CCT7: variants seen among roughly 807,000 people sequenced by gnomAD.
The protein encoded by CCT7 is chaperonin containing TCP1 subunit 7.
A neutral mutation model predicts 56.6 loss-of-function variants in CCT7; 16 were observed. That is an observed-to-expected ratio of 0.28 (90% CI 0.19 to 0.43). CCT7 has a LOEUF of 0.43. CCT7 is among the 20% of genes least tolerant of loss of function. The pLI, the probability that CCT7 is intolerant of heterozygous loss-of-function variation, is 1.00. For synonymous variants in CCT7, 262 were observed against 254.8 expected (o/e 1.03, Z -0.27); for missense variants, 519 against 685.6 (o/e 0.76, Z 2.71).
At chr2:73,245,797 A>G (rs142492322) in intron 6 of CCT7, among the ~76,000 whole-genome samples, 1 of 152,160 alleles carries the variant, frequency 6.6e-6, no homozygotes, top group Admixed American at 6.6e-5. Flanking sequence ...CACATGTCAG[A>G]CCAGTGGGCT....
intron 10 of CCT7, among the ~76,000 whole-genome samples, 160 bp from the exon 11 acceptor site, chr2:73,251,066 G>T (rs1038715219): frequency 1.3e-5 from 2 of 152,174 alleles, no homozygotes; most frequent in African/African-American, 2.4e-5. Context: ...GTTGAAGTTG[G>T]GATGTTCTAG....
intron 3 of CCT7, among the ~76,000 whole-genome samples, chr2:73,241,121 A>G (rs4241254): frequency 0.99 from 149,485 of 151,164 alleles, 73,918 homozygotes; most frequent in East Asian, 1. Flanking sequence ...CATGGCATTA[A>G]CCAGTCTATC....
At chr2:73,243,369 T>C (rs2303907) in intron 4 of CCT7, among the ~76,000 whole-genome samples, 84,855 of 151,904 alleles carry the variant, frequency 0.56, 25,656 homozygotes, top group African/African-American at 0.82. Context: ...GACATAGTCT[T>C]TTAGTAAGGA....
At chr2:73,244,828 AG>A in intron 6 of CCT7, 113 bp downstream of exon 6, 2 of 759,482 alleles carry the variant, frequency 2.6e-6, no homozygotes, top group Non-Finnish European at 4.0e-6. Flanking sequence ...CATGTTAGGC[AG>A]GAAGTCAGAC....
chr2:73,239,276 C>T (rs536053725), intron 1 of CCT7: 2 of 170,418 alleles, frequency 1.2e-5, no homozygotes, highest in South Asian at 3.2e-4. Context: ...GAACACTTAG[C>T]AGGGTCTGCC....
At chr2:73,243,721 T>C in intron 4 of CCT7, 2 of 403,522 alleles carry the variant, frequency 5.0e-6, no homozygotes, top group East Asian at 7.9e-5. Flanking sequence ...ACTCATTCGT[T>C]GTAGCGTGTT....
At chr2:73,251,165 C>T (rs1431453063) in intron 10 of CCT7, 61 bp from the exon 11 acceptor site, 1 of 1,492,366 alleles carries the variant, frequency 6.7e-7, no homozygotes, top group Middle Eastern at 1.7e-4. Context: ...TACTGAGTGG[C>T]CCAGCATGGA....
intron 1 of CCT7, among the ~76,000 whole-genome samples, 183 bp downstream of exon 1, chr2:73,234,567 G>A (rs1314915250): frequency 3.9e-5 from 6 of 152,060 alleles, no homozygotes; most frequent in African/African-American, 1.5e-4. Context: ...CGGCGCTGGA[G>A]CCGTTGGCGA....
At chr2:73,236,963 A>T (rs1200544267) in intron 1 of CCT7, among the ~76,000 whole-genome samples, 1 of 152,228 alleles carries the variant, frequency 6.6e-6, no homozygotes, top group African/African-American at 2.4e-5. Context: ...TTTTCTCCCC[A>T]AAAGTCAAGA....
chr2:73,245,416 C>T (rs1358315309), intron 6 of CCT7, among the ~76,000 whole-genome samples: 2 of 152,214 alleles, frequency 1.3e-5, no homozygotes, highest in African/African-American at 2.4e-5. Flanking sequence ...TACATATCTG[C>T]GCTGTCCAAT....
chr2:73,235,484 C>T (rs967713175), intron 1 of CCT7: 2 of 933,334 alleles, frequency 2.1e-6, no homozygotes, highest in African/African-American at 3.6e-5. Flanking sequence ...CTATGAATCC[C>T]GCTTGTACCC....
chr2:73,237,712 C>G (rs1195190784), intron 1 of CCT7: 1 of 152,098 alleles, frequency 6.6e-6, no homozygotes, highest in Admixed American at 6.6e-5. Context: ...GACAAGCATT[C>G]TTTTTAAAAT....
Position 73,243,104 on chromosome 2 carries a change from G to A in CCT7, c.368G>A (p.Arg123Gln), listed in dbSNP as rs778347588. 8 of 1,613,842 alleles carry A rather than the reference G, an allele frequency of 5.0e-6. No individual in the cohort carries two copies. Among genetic ancestry groups the A allele is most frequent in the South Asian group, 1.1e-5 (1 of 91,084 alleles). ...GGTTTACACCCCCAGATCATCATTC[G>A]AGCTTTCCGCACAGCCACCCAGCTG... ...EEGLHPQIII[R>Q]AFRTATQLAV... The change falls in exon 4 of 12, where the codon CGA becomes CAA. Residue 123 changes from arginine to glutamine, a missense_variant. Around this residue, in one of 3 missense-constraint regions of CCT7, gnomAD observed 276 missense variants for 357.3 expected, o/e 0.77. Transcript: ENST00000258091.
intron 9 of CCT7, 46 bp from the exon 10 acceptor site, chr2:73,250,257 ATGG>A: frequency 6.2e-7 from 1 of 1,609,086 alleles, no homozygotes; most frequent in Non-Finnish European, 8.5e-7. Flanking sequence ...ATACAGTAGG[ATGG>A]TGGCAGACAA....
At chr2:73,234,423 A>C in intron 1 of CCT7, 39 bp downstream of exon 1, 1 of 1,611,922 alleles carries the variant, frequency 6.2e-7, no homozygotes, top group South Asian at 1.1e-5. Flanking sequence ...ATCAGCTGCC[A>C]TCTGGCCGGT....
At chr2:73,242,819 C>T (rs1687171582) in intron 3 of CCT7, among the ~76,000 whole-genome samples, 185 bp from the exon 4 acceptor site, 1 of 152,236 alleles carries the variant, frequency 6.6e-6, no homozygotes, top group Non-Finnish European at 1.5e-5. Flanking sequence ...GACTGTTTGA[C>T]ATGATGGATA....
intron 3 of CCT7, among the ~76,000 whole-genome samples, chr2:73,241,813 T>C (rs1687127636): frequency 6.6e-6 from 1 of 151,588 alleles, no homozygotes. Flanking sequence ...TGATCTTGGC[T>C]CACTGCAACC....
intron 11 of CCT7, 33 bp downstream of exon 11, chr2:73,251,465 T>TGGGGTTGG: frequency 2.1e-6 from 1 of 482,390 alleles, no homozygotes; most frequent in Non-Finnish European, 4.1e-6. Context: ...GTTCAGGGTT[T>TGGGGTTGG]GGGCGGGTGG....
rs1687563396 is a variant in CCT7, at chr2:73,251,225, G to T, written c.1204-1G>T. 6.2e-7 allele frequency: 1 copy of T among 1,613,994 alleles called. No homozygotes were observed. Among genetic ancestry groups the T allele is most frequent in the Non-Finnish European group, 8.5e-7 (1 of 1,179,998 alleles). ...ATTGAGAGGTGGTCTGATCTCTGCA[G>T]AATGATTCAGTGGTGGCTGGTGGCG... On this transcript the variant is annotated splice_acceptor_variant, in intron 10 of 11. Coordinates refer to ENST00000258091, the MANE Select transcript of CCT7 (RefSeq NM_006429.4). LOFTEE classifies it high-confidence loss of function.
Sources: gnomAD v4.1 joint callset for allele counts (sites outside exome capture counted in the v4.1 genomes callset) on GRCh38, gnomAD v4.1.1 for gene constraint, gnomAD v4.1.1 regional missense constraint, MANE v1.5 for transcripts, NCBI Gene and HGNC (gene_info 2026-07-23, HGNC 2026-07-21) for gene names.